SLC12A1: variants seen among roughly 807,000 people sequenced by gnomAD.
The protein encoded by SLC12A1 is Na-K-2Cl cotransporter.
In SLC12A1, 89 loss-of-function variants were observed where a neutral mutation model predicts 130.4. The ratio of observed to expected loss-of-function variants is 0.68; its 90% CI spans 0.58 to 0.81. SLC12A1 has a LOEUF of 0.81. Among genes scored for constraint, SLC12A1 ranks in the 40% least tolerant of loss-of-function variants. The pLI, the probability that SLC12A1 is intolerant of heterozygous loss-of-function variation, is 0.00. For synonymous variants in SLC12A1, 499 were observed against 460.0 expected, an observed-to-expected ratio of 1.08 and a Z score of -1.09; for missense variants, 1,310 against 1,336.4, an observed-to-expected ratio of 0.98 and a Z score of 0.31.
In SLC12A1 at chr15:48,207,680, C is replaced by T; in HGVS notation, c.-40C>T. On this transcript the variant is annotated 5_prime_UTR_variant, in exon 2 of 27. Coordinates refer to ENST00000380993, the MANE Select transcript of SLC12A1 (RefSeq NM_000338.3). ...GAAATATATAGATTTTTTAAAACAACCACAAAGTAGATAGCTCAGTAAAAA... is the reference window on the plus strand; with the variant it reads ...GAAATATATAGATTTTTTAAAACAATCACAAAGTAGATAGCTCAGTAAAAA... 6.8e-7 allele frequency: 1 copy of T among 1,476,564 alleles called. No individual in the cohort carries two copies. Among genetic ancestry groups the T allele is most frequent in the Non-Finnish European group, 9.0e-7 (1 of 1,109,276 alleles). The allele number at this position is 1,476,564 out of a possible 1,614,324, so 91.5% of individuals were successfully genotyped here.
chr15:48,234,646 G>A (rs1050606046), intron 8 of SLC12A1, among the ~76,000 whole-genome samples: 26 of 152,102 alleles, frequency 1.7e-4, no homozygotes, highest in Non-Finnish European at 3.4e-4. Flanking sequence ...TGCGGGGGCC[G>A]AGGCAGGAGA....
In SLC12A1 at chr15:48,302,875, T is replaced by C. The variant is rs749874010; in HGVS notation, c.3290T>C (p.Phe1097Ser). The change falls in exon 27 of 27, where the codon TTT becomes TCT. Residue 1097 changes from phenylalanine (F) to serine (S), a missense_variant. Physicochemically the swap from Phe to Ser is radical, Grantham distance 155. Coordinates refer to ENST00000380993, the MANE Select transcript of SLC12A1 (RefSeq NM_000338.3). ...VRGNHKNVLT[F>S]YS ...GGAAATCACAAAAATGTCTTGACAT[T>C]TTACTCTTAAAACATGAAAGATTGG... 4 of 1,609,432 alleles carry C rather than the reference T, an allele frequency of 2.5e-6. No individual in the cohort carries two copies. In the South Asian group the frequency reaches 3.3e-5, roughly 13 times the overall value.
rs1057520302 is a variant in SLC12A1 at position 48,288,429 on chromosome 15, T to TC, written c.2787dup (p.Thr931AsnfsTer10). On this transcript the variant is annotated frameshift_variant, in exon 23 of 27. Transcript: ENST00000380993. LOFTEE classifies it high-confidence loss of function. ...GGGTTAACACTTCTTATCCCCTATA[T>TC]CTTAACTCTCAGAAAAAAATGGAAA... The TC allele has an allele frequency of 6.5e-7, 1 of 1,533,986 alleles. No individual in the cohort carries two copies. Among genetic ancestry groups the TC allele is most frequent in the African/African-American group, 1.4e-5 (1 of 72,888 alleles).
At chr15:48,239,547 T>TAAATAAATA (rs1555466502) in intron 9 of SLC12A1, among the ~76,000 whole-genome samples, 5 of 148,674 alleles carry the variant, frequency 3.4e-5, no homozygotes, top group African/African-American at 9.8e-5. Flanking sequence ...AATAAATAAA[T>TAAATAAATA]AATAATGTCT....
At chr15:48,274,410 GAACA>G (rs1447761370) in intron 19 of SLC12A1, among the ~76,000 whole-genome samples, 157 bp from the exon 20 acceptor site, 3 of 152,290 alleles carry the variant, frequency 2.0e-5, no homozygotes, top group Admixed American at 6.5e-5. Flanking sequence ...CATAGGGGAA[GAACA>G]AACAAACAAA....
chr15:48,245,375 G>A (rs2041565525), intron 11 of SLC12A1, among the ~76,000 whole-genome samples: 1 of 152,044 alleles, frequency 6.6e-6, no homozygotes, highest in Non-Finnish European at 1.5e-5. Flanking sequence ...AGTTCACTCA[G>A]GTACTAAGCA....
chr15:48,279,397 C>T (rs370814803), intron 20 of SLC12A1, among the ~76,000 whole-genome samples: 1 of 152,170 alleles, frequency 6.6e-6, no homozygotes, highest in Non-Finnish European at 1.5e-5. Flanking sequence ...ATTCAGAGTG[C>T]CCATATACTG....
chr15:48,252,928 A>G (rs965966171), intron 15 of SLC12A1, among the ~76,000 whole-genome samples: 2 of 152,228 alleles, frequency 1.3e-5, no homozygotes, highest in African/African-American at 2.4e-5. Context: ...AATAAGAAAC[A>G]TAAAGGTCAT....
chr15:48,236,843 G>A (rs2041445739), intron 9 of SLC12A1: 2 of 480,552 alleles, frequency 4.2e-6, no homozygotes, highest in Non-Finnish European at 7.4e-6. Flanking sequence ...AGAGGTCACT[G>A]ATTTAAATTT....
rs758652896 is a variant in SLC12A1, at chr15:48,246,988, C to T, written c.1532C>T (p.Ser511Phe). ...GCAACACTCTCCTCCGCCCTGGCCTCCCTTGTCAGCGCACCCAAAGTGTTC... is the reference window on the plus strand; with the variant it reads ...GCAACACTCTCCTCCGCCCTGGCCTTCCTTGTCAGCGCACCCAAAGTGTTC... Reference protein sequence around the residue: ...FSATLSSALASLVSAPKVFQA... With the variant: ...FSATLSSALAFLVSAPKVFQA... Residue 511 changes from serine to phenylalanine, a missense_variant, in exon 12 of 27, where the codon TCC becomes TTC. Transcript: ENST00000380993. The T allele has an allele frequency of 6.2e-7, 1 of 1,613,976 alleles. No individual in the cohort carries two copies. Among genetic ancestry groups the T allele is most frequent in the South Asian group, 1.1e-5 (1 of 91,078 alleles).
Position 48,246,940 on chromosome 15 carries a change from T to C in SLC12A1, c.1484T>C (p.Leu495Pro). The part of the protein sequence containing the change: ...VMSMVSGFGP[L>P]ITAGIFSATL... ...AGCATGGTATCAGGGTTCGGCCCCC[T>C]CATCACTGCGGGAATCTTTTCTGCA... The change falls in exon 12 of 27, where the codon CTC becomes CCC. Residue 495 changes from leucine (L) to proline (P), a missense_variant. Physicochemically the swap from Leu to Pro is moderately conservative, Grantham distance 98 (BLOSUM62 -3). Transcript: ENST00000380993. The C allele has an allele frequency of 6.2e-7, 1 of 1,613,952 alleles. No individual in the cohort carries two copies. Among genetic ancestry groups the C allele is most frequent in the Non-Finnish European group, 8.5e-7 (1 of 1,179,840 alleles).
At chr15:48,291,906 T>C (rs759868605) in intron 24 of SLC12A1, 42 bp downstream of exon 24, 1 of 1,173,164 alleles carries the variant, frequency 8.5e-7, no homozygotes, top group South Asian at 1.4e-5. Flanking sequence ...CCCATGGTAC[T>C]CTCTCATTCT....
At chr15:48,239,156 C>T (rs188539435) in intron 9 of SLC12A1, among the ~76,000 whole-genome samples, 72 of 152,284 alleles carry the variant, frequency 4.7e-4, no homozygotes, top group African/African-American at 1.7e-3. Flanking sequence ...GCTAGCCAGA[C>T]CAGACAATGT....
chr15:48,223,843 AAG>A (rs879440822), intron 4 of SLC12A1: 13 of 152,334 alleles, frequency 8.5e-5, no homozygotes, highest in Middle Eastern at 6.8e-3. Flanking sequence ...CCAAGCTTTT[AAG>A]AGTCTACAGG....
At chr15:48,296,615 A>G (rs572140984) in intron 24 of SLC12A1, among the ~76,000 whole-genome samples, 1 of 152,334 alleles carries the variant, frequency 6.6e-6, no homozygotes, top group Admixed American at 6.5e-5. Flanking sequence ...GGGGGAAAAT[A>G]TTATGCAATT....
intron 5 of SLC12A1, chr15:48,226,946 G>C (rs1183310520): frequency 1.5e-6 from 1 of 647,786 alleles, no homozygotes; most frequent in Non-Finnish European, 2.7e-6. Flanking sequence ...CATGAAATGG[G>C]ATCTTTTAGA....
chr15:48,233,760 G>C (rs2041406942), intron 8 of SLC12A1, among the ~76,000 whole-genome samples: 2 of 151,938 alleles, frequency 1.3e-5, no homozygotes, highest in African/African-American at 4.8e-5. Flanking sequence ...TTTCTGGTTT[G>C]CTTTGCATGT....
At chr15:48,240,005 T>C (rs1156893474) in intron 9 of SLC12A1, among the ~76,000 whole-genome samples, 1 of 129,594 alleles carries the variant, frequency 7.7e-6, no homozygotes, top group Non-Finnish European at 1.6e-5. Context: ...TTCACATCTG[T>C]TATCCATATA....
chr15:48,228,221 G>A (rs1366624807), intron 5 of SLC12A1: 1 of 152,106 alleles, frequency 6.6e-6, no homozygotes, highest in Non-Finnish European at 1.5e-5. Context: ...TACCCTTTTG[G>A]CATTTGACCA....
Sources: allele counts gnomAD v4.1 joint callset (sites outside exome capture counted in the v4.1 genomes callset), GRCh38; gene constraint gnomAD v4.1.1; transcripts MANE v1.5; gene names NCBI Gene and HGNC (gene_info 2026-07-23, HGNC 2026-07-21).